Variants in PHRF1 observed in about 807,000 individuals in gnomAD.
PHRF1 encodes PHD and RING finger domain-containing protein 1.
A neutral mutation model predicts 128.9 loss-of-function variants in PHRF1; 53 were observed. That is an observed-to-expected ratio of 0.41 (90% CI 0.33 to 0.52). PHRF1 has a LOEUF of 0.52. Ranked by LOEUF, PHRF1 falls within the 20% of genes least tolerant of loss-of-function variation. The probability of loss-of-function intolerance (pLI) is 0.21; values close to 1 mark genes in which losing one functional copy is unlikely to be tolerated. For synonymous variants in PHRF1, 1,178 were observed against 980.6 expected (o/e 1.20, Z -3.76); for missense variants, 2,503 against 2,284.5 (o/e 1.10, Z -1.95).
chr11:605,778 T>TG lies in PHRF1; in HGVS notation c.1454+57dup. ...GTGGGGGCAGCAGTTGGGCATCGGA[T>TG]GGGAGTTCTAGGGTGGGGCCGTGAT... On this transcript the variant is annotated intron_variant, in intron 12 of 17. Transcript: ENST00000264555. 3 of 1,555,974 alleles carry TG rather than the reference T, an allele frequency of 1.9e-6. No homozygotes were observed. The South Asian group carries it at 3.6e-5, about 19-fold the overall frequency.
chr11:597,256 G>A lies in PHRF1; in HGVS notation c.719-139G>A. On this transcript the variant is annotated intron_variant, in intron 7 of 17. Coordinates refer to ENST00000264555, the MANE Select transcript of PHRF1 (RefSeq NM_001286581.2). This position sits in a 1 kb window ranked among gnomAD's most constrained non-coding sequence, Gnocchi z 6.5. ...CGGTCCTCAGTGTTAGGAGCACCAG[G>A]CTCCATGAGCAGCCCTGGGTCCTGT... The A allele has an allele frequency of 9.0e-7, 1 of 1,114,664 alleles. No homozygotes were observed. Among genetic ancestry groups the A allele is most frequent in the Non-Finnish European group, 1.3e-6 (1 of 796,526 alleles). The allele number at this position is 1,114,664 out of a possible 1,614,324, so 69.0% of individuals were successfully genotyped here. A position where few individuals can be genotyped will look rare whatever the true frequency, so the allele number is the denominator to read the frequency against.
In PHRF1 at chr11:581,481, C is replaced by T. The variant is rs1260346308; in HGVS notation, c.-21-11C>T. 7 of 1,611,468 alleles carry T rather than the reference C, an allele frequency of 4.3e-6. No homozygotes were observed. The African/African-American group carries it at 5.3e-5, about 12-fold the overall frequency. The stretch of plus-strand genomic sequence containing the variant: ...ACAGTTTGGAAGTTGCTTGGCTCTT[C>T]TTTCTTTCAGAGCTGAGCTCAATGT... On this transcript the variant is annotated splice_polypyrimidine_tract_variant and intron_variant, in intron 1 of 17. Transcript: ENST00000264555.
At chr11:601,271 T>TA (rs967330778) in intron 9 of PHRF1, among the ~76,000 whole-genome samples, 3 of 150,040 alleles carry the variant, frequency 2.0e-5, no homozygotes, top group East Asian at 2.0e-4. Context: ...GCCCTATCTA[T>TA]AAAAAAAATT....
intron 10 of PHRF1, 28 bp downstream of exon 10, chr11:601,729 C>T: frequency 6.2e-7 from 1 of 1,612,960 alleles, no homozygotes; most frequent in Non-Finnish European, 8.5e-7. Flanking sequence ...GGGCCTGAGT[C>T]TCCTGCTGGC....
chr11:599,277 CAG>C (rs1855494963), intron 9 of PHRF1, among the ~76,000 whole-genome samples: 1 of 108,192 alleles, frequency 9.2e-6, no homozygotes, highest in Non-Finnish European at 1.7e-5. Flanking sequence ...TTTTTTGAGA[CAG>C]AGTCTCGCTC....
chr11:590,406 C>T (rs1015966246), intron 4 of PHRF1, among the ~76,000 whole-genome samples: 1 of 152,156 alleles, frequency 6.6e-6, no homozygotes, highest in Non-Finnish European at 1.5e-5. Flanking sequence ...ATGCCATGAG[C>T]AGAGTCCATG....
chr11:579,277 T>C (rs1274182956), intron 1 of PHRF1, among the ~76,000 whole-genome samples: 2 of 86,670 alleles, frequency 2.3e-5, no homozygotes, highest in East Asian at 2.0e-4. Context: ...TGCTCTGTTA[T>C]CTCTTAGGTG....
At chr11:606,901 T>C (rs1855982016) in intron 13 of PHRF1, 165 bp from the exon 14 acceptor site, 1 of 1,201,812 alleles carries the variant, frequency 8.3e-7, no homozygotes, top group African/African-American at 1.5e-5. Flanking sequence ...GAGTGGCTGT[T>C]GAAGCAGCTC....
chr11:606,899 G>T, intron 13 of PHRF1, 167 bp from the exon 14 acceptor site: 1 of 1,188,506 alleles, frequency 8.4e-7, no homozygotes, highest in South Asian at 1.6e-5. Context: ...CAGAGTGGCT[G>T]TTGAAGCAGC....
At chr11:599,979 TTGA>T (rs1173593834) in intron 9 of PHRF1, among the ~76,000 whole-genome samples, 1 of 152,226 alleles carries the variant, frequency 6.6e-6, no homozygotes, top group African/African-American at 2.4e-5. Context: ...GTTTGTCCTG[TTGA>T]TGGGCGTTTG....
At chr11:591,296 C>G in intron 4 of PHRF1, 88 bp from the exon 5 acceptor site, 1 of 1,174,628 alleles carries the variant, frequency 8.5e-7, no homozygotes, top group South Asian at 1.4e-5. Flanking sequence ...AGGCATTTAG[C>G]AGATACTTGA....
intron 10 of PHRF1, 135 bp downstream of exon 10, chr11:601,836 C>T (rs975296514): frequency 2.6e-6 from 3 of 1,169,850 alleles, no homozygotes; most frequent in Non-Finnish European, 3.6e-6. Context: ...ATCGTCTTTG[C>T]TTTTCTGTAT....
At chr11:598,154 A>T (rs1011993424) in intron 8 of PHRF1, among the ~76,000 whole-genome samples, 8 of 152,052 alleles carry the variant, frequency 5.3e-5, no homozygotes, top group Admixed American at 4.6e-4. Flanking sequence ...TGCCCCTGGG[A>T]TGCTGTCTGT....
chr11:601,568 C>A lies in PHRF1; in HGVS notation c.1025-6C>A. On this transcript the variant is annotated splice_region_variant and splice_polypyrimidine_tract_variant and intron_variant, in intron 9 of 17. Transcript: ENST00000264555. ...AGAAGCACAGACTTCAACCTCTTTT[C>A]CTTAGGAAGACGGAAGAAAGTGCCG... 6.2e-7 allele frequency: 1 copy of A among 1,613,648 alleles called. No individual in the cohort carries two copies. Among genetic ancestry groups the A allele is most frequent in the African/African-American group, 1.3e-5 (1 of 75,002 alleles).
At chr11:584,729 CTTTT>C (rs869125196) in intron 3 of PHRF1, among the ~76,000 whole-genome samples, 6 of 90,322 alleles carry the variant, frequency 6.6e-5, no homozygotes, top group Non-Finnish European at 6.3e-5. Context: ...TCTCCAGGAC[CTTTT>C]TTTTTTTTTT....
chr11:602,750 G>T (rs192944856), intron 10 of PHRF1, among the ~76,000 whole-genome samples: 163 of 142,550 alleles, frequency 1.1e-3, no homozygotes, highest in Middle Eastern at 0.01. Context: ...ATCTTTTTTG[G>T]TTTTGTTTTT....
intron 9 of PHRF1, among the ~76,000 whole-genome samples, chr11:600,130 G>A (rs1445427582): frequency 2.0e-5 from 3 of 152,014 alleles, no homozygotes; most frequent in African/African-American, 4.8e-5. Context: ...TGTGAGCCAT[G>A]GTGCCTGGCC....
intron 4 of PHRF1, among the ~76,000 whole-genome samples, chr11:589,148 G>A (rs928748065): frequency 1.3e-5 from 2 of 151,304 alleles, no homozygotes; most frequent in African/African-American, 4.8e-5. Context: ...AAAAAAAAAA[G>A]GAGAACTCTT....
chr11:578,934 C>T (rs1854046409), intron 1 of PHRF1, among the ~76,000 whole-genome samples: 1 of 152,084 alleles, frequency 6.6e-6, no homozygotes, highest in African/African-American at 2.4e-5. Flanking sequence ...ACTGCAACCT[C>T]CGCCTGCCAG....
Sources: gnomAD v4.1 joint callset for allele counts (sites outside exome capture counted in the v4.1 genomes callset) on GRCh38, gnomAD v4.1.1 for gene constraint, Gnocchi (gnomAD v3.1) non-coding constraint, MANE v1.5 for transcripts, NCBI Gene and HGNC (gene_info 2026-07-23, HGNC 2026-07-21) for gene names.